The following LRRC9 variants were observed in gnomAD, a reference collection of about 807,000 sequenced individuals.
LRRC9 encodes leucine-rich repeat-containing protein 9.
Under a neutral mutation model 63.2 loss-of-function variants are expected in LRRC9, and 122 were observed. The ratio of observed to expected loss-of-function variants is 1.93; its 90% CI spans 1.67 to 2.24. The LOEUF is 2.24. LRRC9 is among the 30% of genes most tolerant of loss of function. The pLI is 0.00. For synonymous variants in LRRC9, 366 were observed against 213.1 expected, an observed-to-expected ratio of 1.72 and a Z score of -6.25; for missense variants, 1,071 against 627.7, an observed-to-expected ratio of 1.71 and a Z score of -7.55.
At chr14:60,019,433 T>C (rs1167204682) in intron 26 of LRRC9, among the ~76,000 whole-genome samples, 173 bp downstream of exon 26, 1 of 151,894 alleles carries the variant, frequency 6.6e-6, no homozygotes, top group Non-Finnish European at 1.5e-5. Context: ...AAAAAGGTAC[T>C]CAAAATATTT....
At chr14:60,049,585 C>T (rs961113412) in intron 29 of LRRC9, among the ~76,000 whole-genome samples, 1 of 152,122 alleles carries the variant, frequency 6.6e-6, no homozygotes, top group Non-Finnish European at 1.5e-5. Context: ...GGCCCCCAGT[C>T]TCTTCTGGTT....
chr14:59,946,313 TTAA>T (rs948331670), intron 8 of LRRC9, among the ~76,000 whole-genome samples: 1 of 150,596 alleles, frequency 6.6e-6, no homozygotes, highest in Non-Finnish European at 1.5e-5. Context: ...AAAATTAAAA[TTAA>T]TAATAAAAAA....
chr14:60,026,115 C>A (rs1391538032), intron 27 of LRRC9, among the ~76,000 whole-genome samples: 2 of 151,936 alleles, frequency 1.3e-5, no homozygotes, highest in Non-Finnish European at 2.9e-5. Context: ...GACCACAAGT[C>A]AGGACTAGAG....
intron 27 of LRRC9, among the ~76,000 whole-genome samples, chr14:60,026,646 G>C (rs973655185): frequency 6.6e-6 from 1 of 151,870 alleles, no homozygotes; most frequent in Non-Finnish European, 1.5e-5. Flanking sequence ...AGAAATCTTT[G>C]TCAAGTCCAT....
exon 32 of LRRC9, chr14:60,063,327 T>A: frequency 2.8e-6 from 2 of 701,860 alleles, no homozygotes; most frequent in Non-Finnish European, 5.2e-6. Context: ...TTACAGAATT[T>A]TTGGGAGCAA....
chr14:59,929,146 T>C (rs918740722), intron 3 of LRRC9, among the ~76,000 whole-genome samples: 1 of 151,926 alleles, frequency 6.6e-6, no homozygotes, highest in Admixed American at 6.6e-5. Context: ...ATCTACAGAA[T>C]GGGAGAAAAT....
intron 31 of LRRC9, among the ~76,000 whole-genome samples, chr14:60,062,550 C>T (rs1894719336): frequency 6.6e-6 from 1 of 152,214 alleles, no homozygotes; most frequent in East Asian, 1.9e-4. Context: ...ATACTGTAAA[C>T]AGCAGATAAA....
chr14:60,012,844 T>C (rs967421963), intron 23 of LRRC9, among the ~76,000 whole-genome samples: 1 of 152,182 alleles, frequency 6.6e-6, no homozygotes, highest in African/African-American at 2.4e-5. Context: ...AGGACATTAA[T>C]CATATGTTGC....
intron 14 of LRRC9, among the ~76,000 whole-genome samples, chr14:59,977,567 T>TG (rs371798945): frequency 3.8e-4 from 53 of 138,764 alleles, no homozygotes; most frequent in Admixed American, 8.3e-4. Context: ...TAATTATGTA[T>TG]TTGTGTGTGT....
rs907207947 is a variant in LRRC9 at position 59,958,382 on chromosome 14, G to C, written c.883-1436G>C. 5.3e-5 allele frequency among the ~76,000 whole-genome samples: 8 copies of C among 152,176 alleles called. No individual in the cohort carries two copies. Among genetic ancestry groups the C allele is most frequent in the Admixed American group, 5.2e-4 (8 of 15,280 alleles). On this transcript the variant is annotated intron_variant, in intron 8 of 31. Transcript: ENST00000445360. This position sits in a 1 kb window ranked among gnomAD's most constrained non-coding sequence, Gnocchi z 4.0. The stretch of plus-strand genomic sequence containing the variant: ...CTAGAGAAGCAGTCTGACCACAGCT[G>C]CTTTGCCACCGGGCCCAGACCTCCC...
intron 23 of LRRC9, among the ~76,000 whole-genome samples, chr14:60,010,465 G>A (rs374443434): frequency 2.7e-5 from 4 of 150,792 alleles, no homozygotes; most frequent in African/African-American, 9.7e-5. Context: ...CCAGGAAACC[G>A]TTTTTCCCTC....
At position 59,985,087 on chromosome 14, in the gene LRRC9, T is replaced by C. The variant is rs1027792082; in HGVS notation, c.2092-18T>C. 2 of 643,192 alleles carry C rather than the reference T, an allele frequency of 3.1e-6. No individual in the cohort carries two copies. Among genetic ancestry groups the C allele is most frequent in the Non-Finnish European group, 5.6e-6 (2 of 354,090 alleles). 39.8% of individuals were successfully genotyped at this position (643,192 alleles called of 1,614,324 possible). On this transcript the variant is annotated intron_variant, in intron 16 of 31. Coordinates refer to ENST00000445360, the Ensembl canonical transcript of LRRC9. The stretch of plus-strand genomic sequence containing the variant: ...GTAACCTGTATTATTTTTTAATGTA[T>C]ATTTTATTTTGCTTCAGAGTCTGAA...
intron 7 of LRRC9, among the ~76,000 whole-genome samples, chr14:59,939,412 T>C (rs939445135): frequency 2.0e-5 from 3 of 151,908 alleles, no homozygotes; most frequent in African/African-American, 7.2e-5. Context: ...ACTGGAAAAT[T>C]CTGATCAGAG....
chr14:60,033,862 T>C (rs1278551338), intron 29 of LRRC9, among the ~76,000 whole-genome samples: 2 of 152,054 alleles, frequency 1.3e-5, no homozygotes, highest in African/African-American at 4.8e-5. Context: ...ACCTTATCTC[T>C]AGAACTCTGG....
chr14:60,004,940 TTGGTAACA>T lies in LRRC9; in HGVS notation c.2842+1147_2842+1154del, dbSNP rs1356541005. On this transcript the variant is annotated intron_variant, in intron 21 of 31. Coordinates refer to ENST00000445360, the Ensembl canonical transcript of LRRC9. The surrounding 1 kb of genome is among the most constrained non-coding windows in gnomAD (Gnocchi z 4.8). ...TAAAGAATATTTCTGTATGTGCATTTTGGTAACATGGTTGTGTTTGTCAAGGAGGGAAG... is the reference window on the plus strand; with the variant it reads ...TAAAGAATATTTCTGTATGTGCATTTTGGTTGTGTTTGTCAAGGAGGGAAG... Among the ~76,000 whole-genome samples the T allele has an allele frequency of 1.3e-5, 2 of 152,048 alleles. No individual in the cohort carries two copies. The highest frequency in any genetic ancestry group is 4.8e-5 in the African/African-American group (2 of 41,450).
At chr14:59,957,854 C>G (rs1883931144) in intron 8 of LRRC9, among the ~76,000 whole-genome samples, 1 of 152,064 alleles carries the variant, frequency 6.6e-6, no homozygotes, top group African/African-American at 2.4e-5. Flanking sequence ...TTGTTGCTTT[C>G]TGTTTGTTAG....
intron 30 of LRRC9, among the ~76,000 whole-genome samples, chr14:60,055,701 T>TG (rs1894220430): frequency 6.9e-6 from 1 of 144,554 alleles, no homozygotes; most frequent in South Asian, 2.1e-4. Flanking sequence ...GAGTGCAGCC[T>TG]GGGGAACATG....
intron 29 of LRRC9, among the ~76,000 whole-genome samples, chr14:60,050,205 A>G (rs1422924537): frequency 2.0e-5 from 3 of 152,104 alleles, no homozygotes; most frequent in Non-Finnish European, 4.4e-5. Context: ...CATGTTGGCC[A>G]GGCTGGTCTC....
Position 59,990,523 on chromosome 14 carries a change from A to G in LRRC9, c.2211+5299A>G. On this transcript the variant is annotated intron_variant, in intron 17 of 31. Transcript: ENST00000445360. The surrounding 1 kb of genome is among the most constrained non-coding windows in gnomAD (Gnocchi z 4.2). ...TGGGCTCAAGTGATCCCCTTGCCTC[A>G]GCCTCCTGGGTAGCTGGAACTACAG... 6.6e-6 allele frequency among the ~76,000 whole-genome samples: 1 copy of G among 151,732 alleles called. No homozygotes were observed. Among genetic ancestry groups the G allele is most frequent in the East Asian group, 1.9e-4 (1 of 5,152 alleles).
Sources: allele counts gnomAD v4.1 joint callset (sites outside exome capture counted in the v4.1 genomes callset), GRCh38; gene constraint gnomAD v4.1.1; non-coding constraint Gnocchi (gnomAD v3.1); transcripts MANE v1.5; gene names NCBI Gene and HGNC (gene_info 2026-07-23, HGNC 2026-07-21).